MYH9: variants seen among roughly 807,000 people sequenced by gnomAD.
MYH9 encodes myosin-9.
MYH9 carries 29 observed loss-of-function variants against 241.9 expected under a neutral mutation model. The observed-to-expected ratio is 0.12, with a 90% CI of 0.09 to 0.16. The LOEUF (loss-of-function observed/expected upper bound fraction) is 0.16, where lower values mean the gene tolerates loss of function less well. Among genes scored for constraint, MYH9 ranks in the 10% least tolerant of loss-of-function variants. The pLI is 1.00. For synonymous variants in MYH9, 1,047 were observed against 1,062.6 expected (o/e 0.99, Z 0.29); for missense variants, 1,803 against 2,595.5 (o/e 0.69, Z 6.63).
At chr22:36,339,527 A>C (rs1045252942) in intron 3 of MYH9, among the ~76,000 whole-genome samples, 2 of 152,166 alleles carry the variant, frequency 1.3e-5, no homozygotes, top group African/African-American at 4.8e-5. Context: ...TAAGCCAAAG[A>C]CTCGGCCAAA....
intron 1 of MYH9, among the ~76,000 whole-genome samples, chr22:36,374,637 C>T (rs1287466007): frequency 1.3e-5 from 2 of 152,254 alleles, no homozygotes; most frequent in East Asian, 1.9e-4. Context: ...GGCCACACAA[C>T]CAGAGGGCGC....
chr22:36,303,670 G>A lies in MYH9; in HGVS notation c.2390+325C>T, dbSNP rs2016921334. ...GTGGTGGCGTGCACCTGTAACCTCAGCTACTAAGTGAGGCTGAGGCAGGAG... is the reference window on the plus strand; with the variant it reads ...GTGGTGGCGTGCACCTGTAACCTCAACTACTAAGTGAGGCTGAGGCAGGAG... On this transcript the variant is annotated intron_variant, in intron 19 of 40. Transcript: ENST00000216181. Among the ~76,000 whole-genome samples, 4 of 151,508 alleles carry A rather than the reference G, an allele frequency of 2.6e-5. No homozygotes were observed. In the South Asian group the frequency reaches 8.3e-4, roughly 31 times the overall value.
In MYH9 at chr22:36,309,406, T is replaced by A. The variant is rs1418592517; in HGVS notation, c.1729-10A>T. 2 of 1,609,260 alleles carry A rather than the reference T, an allele frequency of 1.2e-6. No individual in the cohort carries two copies. The highest frequency in any genetic ancestry group is 1.7e-6 in the Non-Finnish European group (2 of 1,175,720). On this transcript the variant is annotated splice_polypyrimidine_tract_variant and intron_variant, in intron 14 of 40. Transcript: ENST00000216181. ...CAGCTTTGTAATCCACCTGGCGGGG[T>A]CAGAGAGGCAGGAGTCACAAGCTGC...
At chr22:36,347,184 C>T (rs1265403027) in intron 2 of MYH9, among the ~76,000 whole-genome samples, 1 of 152,048 alleles carries the variant, frequency 6.6e-6, no homozygotes, top group Non-Finnish European at 1.5e-5. Context: ...TGTCTCCTAA[C>T]TTGGTGATGG....
intron 30 of MYH9, 76 bp from the exon 31 acceptor site, chr22:36,292,310 G>A: frequency 6.3e-7 from 1 of 1,596,350 alleles, no homozygotes; most frequent in Non-Finnish European, 8.5e-7. Context: ...TGGGGCAGCT[G>A]GGAGCCTGCC....
intron 20 of MYH9, 24 bp from the exon 21 acceptor site, chr22:36,301,689 G>T: frequency 6.2e-7 from 1 of 1,611,210 alleles, no homozygotes. Context: ...TAGAGGTAGA[G>T]ACATGCTCGG....
intron 2 of MYH9, among the ~76,000 whole-genome samples, chr22:36,347,173 C>T (rs1427100642): frequency 1.3e-5 from 2 of 152,122 alleles, no homozygotes; most frequent in African/African-American, 4.8e-5. Flanking sequence ...GCTCATCTCC[C>T]TGTCTCCTAA....
intron 10 of MYH9, 49 bp downstream of exon 10, chr22:36,319,491 T>C (rs1373558108): frequency 2.5e-6 from 4 of 1,572,452 alleles, no homozygotes; most frequent in East Asian, 2.2e-5. Context: ...AGCAAATCCA[T>C]GGCCAAGCAC....
chr22:36,309,286 C>T lies in MYH9; in HGVS notation c.1839G>A (p.Lys613=), dbSNP rs1196320704. The change falls in exon 15 of 41, where the codon AAG becomes AAA. Residue 613 remains lysine, a synonymous_variant. Transcript: ENST00000216181. The part of the protein sequence containing the change: ...SSDKFVSELW[K]DVDRIIGLDQ... Reference sequence around the variant, plus strand: ...GGCGAAGGGCAAAGGGCGTACCATCCTTCCACAGCTCCGAGACAAACTTGT... The same window carrying T: ...GGCGAAGGGCAAAGGGCGTACCATCTTTCCACAGCTCCGAGACAAACTTGT... The T allele has an allele frequency of 1.9e-6, 3 of 1,613,906 alleles. No individual in the cohort carries two copies. In the Admixed American group the frequency reaches 5.0e-5, roughly 27 times the overall value.
chr22:36,282,636 GTCCA>G lies in MYH9; in HGVS notation c.*28_*31del, dbSNP rs2016510423. ...GAAGGGGAGGCTGTGGTGTCTGTCT[GTCCA>G]TCCATCTCAGGCTGCAGGAGAAGAG... On this transcript the variant is annotated 3_prime_UTR_variant, in exon 41 of 41. Coordinates refer to ENST00000216181, the MANE Select transcript of MYH9 (RefSeq NM_002473.6). 1.9e-6 allele frequency: 3 copies of G among 1,594,666 alleles called. No individual in the cohort carries two copies. Among genetic ancestry groups the G allele is most frequent in the Non-Finnish European group, 2.6e-6 (3 of 1,163,202 alleles).
At chr22:36,286,540 C>G (rs904553645) in intron 35 of MYH9, among the ~76,000 whole-genome samples, 178 bp downstream of exon 35, 2 of 152,198 alleles carry the variant, frequency 1.3e-5, no homozygotes, top group Non-Finnish European at 2.9e-5. Flanking sequence ...TCTGATCATA[C>G]GAGGGAGCCC....
intron 19 of MYH9, 36 bp from the exon 20 acceptor site, chr22:36,302,712 G>A (rs1569535272): frequency 1.3e-6 from 2 of 1,576,466 alleles, no homozygotes; most frequent in South Asian, 2.2e-5. Context: ...GCGGAGCAGT[G>A]GACAGCAGAC....
chr22:36,286,065 G>A (rs1348582016), intron 35 of MYH9, 112 bp from the exon 36 acceptor site: 115 of 1,155,470 alleles, frequency 1.0e-4, no homozygotes, highest in South Asian at 7.6e-4. Context: ...ACCTCCCCAC[G>A]AAGCCCTTCC....
intron 1 of MYH9, among the ~76,000 whole-genome samples, chr22:36,378,361 C>T (rs1413611393): frequency 2.0e-5 from 3 of 152,122 alleles, no homozygotes; most frequent in African/African-American, 4.8e-5. Flanking sequence ...GGCTTCTCCA[C>T]GGTGCAGATG....
chr22:36,376,365 G>A (rs1244286371), intron 1 of MYH9, among the ~76,000 whole-genome samples: 2 of 152,098 alleles, frequency 1.3e-5, no homozygotes, highest in Non-Finnish European at 2.9e-5. Flanking sequence ...CCTCCTCCCA[G>A]GCAATCCTAG....
intron 3 of MYH9, among the ~76,000 whole-genome samples, chr22:36,335,174 G>A (rs375735578): frequency 2.8e-4 from 42 of 152,268 alleles, no homozygotes; most frequent in African/African-American, 8.4e-4. Context: ...CTCTGAGCAC[G>A]AAACAGTCAC....
At chr22:36,375,474 C>T (rs1456389506) in intron 1 of MYH9, among the ~76,000 whole-genome samples, 1 of 152,224 alleles carries the variant, frequency 6.6e-6, no homozygotes, top group East Asian at 1.9e-4. Context: ...TGCAGCCCAA[C>T]GTTCTCTCTG....
intron 1 of MYH9, among the ~76,000 whole-genome samples, chr22:36,356,158 CTGTT>C (rs1040965982): frequency 4.6e-5 from 7 of 152,188 alleles, no homozygotes; most frequent in Admixed American, 3.9e-4. Context: ...AGCAGCCCCT[CTGTT>C]TGTTTTTTTC....
chr22:36,294,055 C>T lies in MYH9; in HGVS notation c.3837+37G>A, dbSNP rs111777141. ...ACCTGGGCCACAACTGCTGCTAGGG[C>T]CCACTGCCCGCGCCAGGGTCCTGGC... is the stretch of plus-strand genomic sequence containing the variant. On this transcript the variant is annotated intron_variant, in intron 28 of 40. Transcript: ENST00000216181. 1,996 of 1,601,458 alleles carry T rather than the reference C, an allele frequency of 1.2e-3. 20 individuals carry two copies. In the African/African-American group the frequency reaches 0.02, roughly 16 times the overall value.
Sources: allele counts gnomAD v4.1 joint callset (sites outside exome capture counted in the v4.1 genomes callset), GRCh38; gene constraint gnomAD v4.1.1; transcripts MANE v1.5; gene names NCBI Gene and HGNC (gene_info 2026-07-23, HGNC 2026-07-21).